SLC25A28: variants seen among roughly 807,000 people sequenced by gnomAD.
The protein encoded by SLC25A28 is mitoferrin-2.
In SLC25A28, 10 loss-of-function variants were observed where a neutral mutation model predicts 31.9. That is an observed-to-expected ratio of 0.31 (90% CI 0.19 to 0.53). The LOEUF (loss-of-function observed/expected upper bound fraction) is 0.53, where lower values mean the gene tolerates loss of function less well. SLC25A28 is among the 20% of genes least tolerant of loss of function. SLC25A28 has a pLI of 0.95. For missense variants in SLC25A28, 256 were observed against 490.3 expected (o/e 0.52, Z 4.51); for synonymous variants, 208 against 203.6 (o/e 1.02, Z -0.19).
the SLC25A28 span, among the ~76,000 whole-genome samples, chr10:99,627,410 T>C: frequency 6.6e-6 from 1 of 151,614 alleles, no homozygotes; most frequent in African/African-American, 2.4e-5. Context: ...CCAATTACAC[T>C]CTTTATTTAT....
rs1715616167 is a variant in SLC25A28, at chr10:99,613,584, T to C, written c.520+112A>G. ...GAAGTCCCTCCCTTATAATCTGGCCTATCCCAGCCCAAAGCTTCAGCTCCA... is the reference window on the plus strand; with the variant it reads ...GAAGTCCCTCCCTTATAATCTGGCCCATCCCAGCCCAAAGCTTCAGCTCCA... On this transcript the variant is annotated intron_variant, in intron 2 of 3. Transcript: ENST00000370495. The surrounding 1 kb of genome is among the most constrained non-coding windows in gnomAD (Gnocchi z 4.9). 6.4e-7 allele frequency: 1 copy of C among 1,559,982 alleles called. No individual in the cohort carries two copies. The highest frequency in any genetic ancestry group is 1.2e-5 in the South Asian group (1 of 85,292).
rs575902414 is a variant in SLC25A28 at position 99,620,364 on chromosome 10, C to G, written c.-29G>C. The G allele has an allele frequency of 2.7e-6, 3 of 1,105,336 alleles. No homozygotes were observed. The African/African-American group carries it at 5.0e-5, about 18-fold the overall frequency. 68.5% of individuals were successfully genotyped at this position (1,105,336 alleles called of 1,614,324 possible). A position where few individuals can be genotyped will look rare whatever the true frequency, so the allele number is the denominator to read the frequency against. On this transcript the variant is annotated 5_prime_UTR_variant, in exon 1 of 4. Transcript: ENST00000370495. ...CCCGGGCCAGCTGCGGCGCCCACCC[C>G]CGCCGCCGCTGCCACCACTGCCGCC...
chr10:99,617,002 G>A, intron 1 of SLC25A28: 1 of 984,732 alleles, frequency 1.0e-6, no homozygotes, highest in Non-Finnish European at 1.2e-6. Flanking sequence ...TCTTTCACAG[G>A]TGAATATGTA....
Position 99,620,400 on chromosome 10 carries a change from G to C in SLC25A28, c.-65C>G, listed in dbSNP as rs1466378902. 1 of 965,542 alleles carries C rather than the reference G, an allele frequency of 1.0e-6. No homozygotes were observed. The highest frequency in any genetic ancestry group is 1.2e-6 in the Non-Finnish European group (1 of 830,556). 59.8% of individuals were successfully genotyped at this position (965,542 alleles called of 1,614,324 possible). A position where few individuals can be genotyped will look rare whatever the true frequency, so the allele number is the denominator to read the frequency against. On this transcript the variant is annotated 5_prime_UTR_variant, in exon 1 of 4. Transcript: ENST00000370495. The stretch of plus-strand genomic sequence containing the variant: ...GCCACCACTGCCGCCGCCGCCCCCC[G>C]GCCCCGTAGTGTCCGCCTCAGGCGC...
Position 99,610,635 on chromosome 10 carries a change from G to GGT in SLC25A28, c.*212_*213dup, listed in dbSNP as rs1477518407. 1 of 590,060 alleles carries GGT rather than the reference G, an allele frequency of 1.7e-6. No homozygotes were observed. Among genetic ancestry groups the GGT allele is most frequent in the African/African-American group, 1.9e-5 (1 of 53,694 alleles). The allele number at this position is 590,060 out of a possible 1,614,324, so 36.6% of individuals were successfully genotyped here. ...GGAGAGAGGTTATCAAAGGTGCTGT[G>GGT]GTGTGCTTTGCTGCACGTGCTTAGG... On this transcript the variant is annotated 3_prime_UTR_variant, in exon 4 of 4. Transcript: ENST00000370495.
intron 1 of SLC25A28, chr10:99,617,065 C>G (rs2034674668): frequency 2.0e-6 from 2 of 985,284 alleles, no homozygotes; most frequent in South Asian, 4.7e-5. Context: ...TGCTCTTCCC[C>G]TCTTTATTAT....
chr10:99,649,585 C>CT, the SLC25A28 span, among the ~76,000 whole-genome samples: 4 of 152,052 alleles, frequency 2.6e-5, no homozygotes, highest in South Asian at 4.1e-4. Context: ...TGGTTCTGGG[C>CT]TTTTTTTGTT....
intron 3 of SLC25A28, among the ~76,000 whole-genome samples, chr10:99,612,046 G>A (rs563309041): frequency 2.6e-4 from 39 of 152,276 alleles, no homozygotes; most frequent in Non-Finnish European, 4.7e-4. Context: ...GAATGTTTTT[G>A]GAGAATTTTC....
At chr10:99,639,547 A>G in the SLC25A28 span, among the ~76,000 whole-genome samples, 1 of 151,960 alleles carries the variant, frequency 6.6e-6, no homozygotes, top group Non-Finnish European at 1.5e-5. Flanking sequence ...TTTAAACTCA[A>G]CCTAAAAAAA....
chr10:99,616,958 G>A, intron 1 of SLC25A28: 2 of 984,476 alleles, frequency 2.0e-6, no homozygotes, highest in Non-Finnish European at 2.4e-6. Flanking sequence ...CTAGATGCAA[G>A]AAAATCAAAT....
intron 1 of SLC25A28, 81 bp from the exon 2 acceptor site, chr10:99,614,005 C>T (rs1476167419): frequency 6.2e-6 from 9 of 1,448,374 alleles, no homozygotes; most frequent in East Asian, 4.9e-5. Flanking sequence ...AGACCTTCTA[C>T]ATGGAGCTGT....
the SLC25A28 span, among the ~76,000 whole-genome samples, chr10:99,631,808 G>A: frequency 2.0e-5 from 3 of 151,204 alleles, no homozygotes; most frequent in Non-Finnish European, 2.9e-5. Flanking sequence ...TTCTGCATTC[G>A]TGGATTCAAC....
At position 99,611,166 on chromosome 10, in the gene SLC25A28, T is replaced by G; in HGVS notation, c.778A>C (p.Asn260His). The G allele has an allele frequency of 6.2e-7, 1 of 1,614,168 alleles. No individual in the cohort carries two copies. The highest frequency in any genetic ancestry group is 1.1e-5 in the South Asian group (1 of 91,082). Residue 260 changes from asparagine (N) to histidine (H), a missense_variant, in exon 4 of 4, where the codon AAC (asparagine) becomes CAC (histidine). By Grantham distance (68) the Asn-to-His change is moderately conservative. Around this residue, in one of 4 missense-constraint regions of SLC25A28, gnomAD observed 158 missense variants for 379.1 expected, o/e 0.42. Transcript: ENST00000370495. This position sits in a 1 kb window ranked among gnomAD's most constrained non-coding sequence, Gnocchi z 5.5. ...QEHFNPQRRY[N>H]PSSHVLSGAC... is the part of the protein sequence containing the mutation. ...CCAGAGAGGACGTGGGAGCTTGGGT[T>G]GTACCGTCTCTGGGGGTTAAAGTGC...
intron 1 of SLC25A28, chr10:99,617,313 A>G (rs1476482719): frequency 5.1e-6 from 5 of 985,464 alleles, no homozygotes; most frequent in Non-Finnish European, 6.0e-6. Context: ...TGATCCAGCA[A>G]GGCTACACTG....
the SLC25A28 span, among the ~76,000 whole-genome samples, chr10:99,638,928 C>A: frequency 6.6e-6 from 1 of 152,066 alleles, no homozygotes; most frequent in Non-Finnish European, 1.5e-5. Context: ...CCAGCAATCC[C>A]ACTATTGGGT....
At chr10:99,623,323 T>C (rs1488555736), upstream of SLC25A28, among the ~76,000 whole-genome samples, 2 of 152,186 alleles carry the variant, frequency 1.3e-5, no homozygotes, top group African/African-American at 4.8e-5. Context: ...GATTTCTGAC[T>C]CAGCGTGTCC....
chr10:99,631,605 A>G, the SLC25A28 span, among the ~76,000 whole-genome samples: 2 of 152,222 alleles, frequency 1.3e-5, no homozygotes, highest in Non-Finnish European at 2.9e-5. Flanking sequence ...TTTAAAAAGT[A>G]TAAACAGAAA....
chr10:99,612,777 CT>C, intron 2 of SLC25A28, 178 bp from the exon 3 acceptor site: 1 of 664,438 alleles, frequency 1.5e-6, no homozygotes, highest in East Asian at 2.7e-5. Context: ...GGTAAAGTAT[CT>C]GTTCCCACCA....
rs939070698 is a variant in SLC25A28 at position 99,615,494 on chromosome 10, C to G, written c.292-1570G>C. 5.1e-6 allele frequency: 5 copies of G among 985,260 alleles called. No homozygotes were observed. In the African/African-American group the frequency reaches 8.7e-5, roughly 17 times the overall value. 61.0% of individuals were successfully genotyped at this position (985,260 alleles called of 1,614,324 possible). ...GGTTAGCTGCAAGCAATCCACATTC[C>G]TCTGGTTATTTTCTCCTGCCTGCTA... On this transcript the variant is annotated intron_variant, in intron 1 of 3. Coordinates refer to ENST00000370495, the MANE Select transcript of SLC25A28 (RefSeq NM_031212.4).
Sources: allele counts gnomAD v4.1 joint callset (sites outside exome capture counted in the v4.1 genomes callset), GRCh38; gene constraint gnomAD v4.1.1; regional missense constraint gnomAD v4.1.1; non-coding constraint Gnocchi (gnomAD v3.1); transcripts MANE v1.5; gene names NCBI Gene and HGNC (gene_info 2026-07-23, HGNC 2026-07-21).